Variants in MINPP1 observed in about 807,000 individuals in gnomAD.
MINPP1 encodes the protein multiple inositol-polyphosphate phosphatase 1.
Under a neutral mutation model 46.1 loss-of-function variants are expected in MINPP1, and 28 were observed. The observed-to-expected ratio is 0.61, with a 90% confidence interval of 0.45 to 0.83. MINPP1 has a LOEUF of 0.83. Among genes scored for constraint, MINPP1 ranks in the 40% least tolerant of loss-of-function variants. The pLI is 0.00. For synonymous variants in MINPP1, 268 were observed against 249.1 expected (o/e 1.08, Z -0.72); for missense variants, 603 against 610.0 (o/e 0.99, Z 0.12).
At chr10:87,517,628 T>C (rs1161503033) in intron 3 of MINPP1, among the ~76,000 whole-genome samples, 1 of 152,256 alleles carries the variant, frequency 6.6e-6, no homozygotes, top group Non-Finnish European at 1.5e-5. Flanking sequence ...TATTTTACAG[T>C]TTATTCATTA....
intron 4 of MINPP1, among the ~76,000 whole-genome samples, chr10:87,535,240 CA>C (rs906618887): frequency 3.9e-5 from 6 of 152,188 alleles, no homozygotes; most frequent in African/African-American, 1.4e-4. Context: ...GTTTCCTAAC[CA>C]AAATTTTGTC....
At position 87,521,282 on chromosome 10, in the gene MINPP1, T is replaced by A. The variant is rs543747789; in HGVS notation, c.1067+113T>A. ...AGTTTTTGCTTGTGTTTTAAAAAAA[T>A]TTTAATATAATGTGATACAAAAGAA... On this transcript the variant is annotated intron_variant, in intron 4 of 4. Transcript: ENST00000371996. 40 of 809,476 alleles carry A rather than the reference T, an allele frequency of 4.9e-5. No individual in the cohort carries two copies. In the Admixed American group the frequency reaches 6.0e-4, roughly 12 times the overall value. 50.1% of individuals were successfully genotyped at this position (809,476 alleles called of 1,614,324 possible). A position where few individuals can be genotyped will look rare whatever the true frequency, so the allele number is the denominator to read the frequency against.
At position 87,504,992 on chromosome 10, in the gene MINPP1, C is replaced by G; in HGVS notation, c.77C>G (p.Ser26Trp). 1 of 1,612,652 alleles carries G rather than the reference C, an allele frequency of 6.2e-7. No homozygotes were observed. The highest frequency in any genetic ancestry group is 8.5e-7 in the Non-Finnish European group (1 of 1,179,770). ...GCCCTGGCTGCGGCGCTGCTCTCGT[C>G]GCTTGCGCGCTGCTCTCTTCTAGAG... Reference protein sequence around the residue: ...AAALAAALLSSLARCSLLEPR... With the variant: ...AAALAAALLSWLARCSLLEPR... Residue 26 changes from serine (S) to tryptophan (W), a missense_variant, in exon 1 of 5, where the codon TCG becomes TGG. Ser to Trp is a radical substitution (Grantham distance 177). Around this residue, in one of 3 missense-constraint regions of MINPP1, gnomAD observed 239 missense variants for 189.4 expected, o/e 1.26. Coordinates refer to ENST00000371996, the MANE Select transcript of MINPP1 (RefSeq NM_004897.5).
At chr10:87,520,946 T>G in intron 3 of MINPP1, 90 bp from the exon 4 acceptor site, 1 of 657,248 alleles carries the variant, frequency 1.5e-6, no homozygotes, top group South Asian at 2.0e-5. Flanking sequence ...AATTAAACAT[T>G]GTAACCATTT....
intron 4 of MINPP1, among the ~76,000 whole-genome samples, chr10:87,533,768 G>C (rs1334607469): frequency 6.6e-6 from 1 of 151,948 alleles, no homozygotes; most frequent in African/African-American, 2.4e-5. Flanking sequence ...TAGTCTATAA[G>C]GTATGGCTTT....
chr10:87,522,725 C>T (rs1589375552), intron 4 of MINPP1, among the ~76,000 whole-genome samples: 1 of 152,090 alleles, frequency 6.6e-6, no homozygotes, highest in Non-Finnish European at 1.5e-5. Context: ...GTGGTGGTTG[C>T]TGAAGGCTGG....
chr10:87,526,180 A>G (rs1205084003), intron 4 of MINPP1, among the ~76,000 whole-genome samples: 1 of 152,038 alleles, frequency 6.6e-6, no homozygotes, highest in East Asian at 1.9e-4. Flanking sequence ...CAACAGTGTA[A>G]AAGTGTTCTC....
chr10:87,505,624 G>A lies in MINPP1; in HGVS notation c.637+72G>A, dbSNP rs1276665702. The A allele has an allele frequency of 3.5e-6, 5 of 1,429,202 alleles. No homozygotes were observed. Among genetic ancestry groups the A allele is most frequent in the Admixed American group, 4.1e-5 (2 of 48,528 alleles). 88.5% of individuals were successfully genotyped at this position (1,429,202 alleles called of 1,614,324 possible). A position where few individuals can be genotyped will look rare whatever the true frequency, so the allele number is the denominator to read the frequency against. On this transcript the variant is annotated intron_variant, in intron 1 of 4. Transcript: ENST00000371996. The surrounding 1 kb of genome is among the most constrained non-coding windows in gnomAD (Gnocchi z 4.4). ...CCTGGATGCTCTCCCGCCTCCCCCA[G>A]ACCCTGGGCTTTTCCGATGCCCCCC...
chr10:87,523,987 C>T (rs187614304), intron 4 of MINPP1, among the ~76,000 whole-genome samples: 38 of 152,298 alleles, frequency 2.5e-4, no homozygotes, highest in Middle Eastern at 3.4e-3. Context: ...ATAATTCTTA[C>T]GGGCCCTAGA....
At chr10:87,551,311 A>T (rs1054689109) in intron 4 of MINPP1, among the ~76,000 whole-genome samples, 13 of 152,110 alleles carry the variant, frequency 8.5e-5, no homozygotes, top group Admixed American at 5.2e-4. Context: ...GTCATGTTTG[A>T]ATAGGTTTAC....
intron 4 of MINPP1, among the ~76,000 whole-genome samples, chr10:87,536,443 A>C (rs979358633): frequency 9.2e-5 from 14 of 152,090 alleles, no homozygotes; most frequent in African/African-American, 3.4e-4. Context: ...TAAACTGTAC[A>C]TATTTAAAGT....
intron 4 of MINPP1, 30 bp downstream of exon 4, chr10:87,521,199 A>G: frequency 4.4e-6 from 7 of 1,590,268 alleles, no homozygotes; most frequent in Admixed American, 1.7e-5. Context: ...TGTGAAGTAC[A>G]TTTTGAGTTA....
chr10:87,505,458 C>G lies in MINPP1; in HGVS notation c.543C>G (p.Thr181=). 3 of 1,613,168 alleles carry G rather than the reference C, an allele frequency of 1.9e-6. No individual in the cohort carries two copies. The highest frequency in any genetic ancestry group is 1.7e-4 in the Middle Eastern group (1 of 6,050). The part of the protein sequence containing the change: ...RENYGRLRLI[T]SSKHRCMDSS... Reference sequence around the variant, plus strand: ...ACTACGGCCGCCTGCGGCTCATCACCAGTTCCAAGCACCGCTGCATGGATA... The same window carrying G: ...ACTACGGCCGCCTGCGGCTCATCACGAGTTCCAAGCACCGCTGCATGGATA... Residue 181 remains threonine, a synonymous_variant, in exon 1 of 5, where the codon ACC becomes ACG. Transcript: ENST00000371996. This position sits in a 1 kb window ranked among gnomAD's most constrained non-coding sequence, Gnocchi z 4.4.
intron 2 of MINPP1, among the ~76,000 whole-genome samples, chr10:87,508,895 C>T (rs973406036): frequency 1.3e-5 from 2 of 152,106 alleles, no homozygotes; most frequent in Non-Finnish European, 1.5e-5. Context: ...AATTCTTTAG[C>T]TTTTGAAGCA....
At chr10:87,507,350 A>C (rs1012705519) in intron 1 of MINPP1, among the ~76,000 whole-genome samples, 1 of 152,218 alleles carries the variant, frequency 6.6e-6, no homozygotes, top group Non-Finnish European at 1.5e-5. Context: ...ACCCAGATGC[A>C]CTTGGGAAAT....
chr10:87,505,515 G>A lies in MINPP1; in HGVS notation c.600G>A (p.Gln200=). The A allele has an allele frequency of 6.2e-7, 1 of 1,611,518 alleles. No homozygotes were observed. The highest frequency in any genetic ancestry group is 8.5e-7 in the Non-Finnish European group (1 of 1,179,578). The part of the protein sequence containing the change: ...SSAAFLQGLW[Q]HYHPGLPPPD... ...CCGCCTTCCTGCAGGGGCTGTGGCAGCACTACCACCCTGGCTTGCCGCCGC... is the reference window on the plus strand; with the variant it reads ...CCGCCTTCCTGCAGGGGCTGTGGCAACACTACCACCCTGGCTTGCCGCCGC... Residue 200 remains glutamine, a synonymous_variant, in exon 1 of 5, where the codon CAG becomes CAA. Transcript: ENST00000371996. The surrounding 1 kb of genome is among the most constrained non-coding windows in gnomAD (Gnocchi z 4.4).
In MINPP1 at chr10:87,505,255, T is replaced by C. The variant is rs765398008; in HGVS notation, c.340T>C (p.Ser114Pro). The change falls in exon 1 of 5, where the codon TCC (serine) becomes CCC (proline). Residue 114 changes from serine (S) to proline (P), a missense_variant. By Grantham distance (74) the Ser-to-Pro change is moderately conservative. Around this residue, in one of 3 missense-constraint regions of MINPP1, gnomAD observed 239 missense variants for 189.4 expected, o/e 1.26. Coordinates refer to ENST00000371996, the MANE Select transcript of MINPP1 (RefSeq NM_004897.5). The surrounding 1 kb of genome is among the most constrained non-coding windows in gnomAD (Gnocchi z 4.4). ...QLHGLLQARG[S>P]RDGGASSTGS... ...GCACGGGTTGCTGCAGGCCCGCGGG[T>C]CCAGGGATGGCGGGGCTAGTAGTAC... is the stretch of plus-strand genomic sequence containing the variant. The C allele has an allele frequency of 4.3e-6, 7 of 1,612,124 alleles. No homozygotes were observed. In the Admixed American group the frequency reaches 1.2e-4, roughly 27 times the overall value.
Position 87,504,946 on chromosome 10 carries a change from A to T in MINPP1, c.31A>T (p.Thr11Ser). The T allele has an allele frequency of 1.9e-6, 3 of 1,611,060 alleles. No homozygotes were observed. Among genetic ancestry groups the T allele is most frequent in the Non-Finnish European group, 2.5e-6 (3 of 1,179,282 alleles). Residue 11 changes from threonine to serine, a missense_variant, in exon 1 of 5, where the codon ACC (threonine) becomes TCC (serine). Thr to Ser is a moderately conservative substitution (Grantham distance 58). Around this residue, in one of 3 missense-constraint regions of MINPP1, gnomAD observed 239 missense variants for 189.4 expected, o/e 1.26. Coordinates refer to ENST00000371996, the MANE Select transcript of MINPP1 (RefSeq NM_004897.5). ...ACGCGCGCCCGGCTGCCTCCTCCGG[A>T]CCTCCGTAGCGCCTGCCGCGGCCCT... MLRAPGCLLRTSVAPAAALAA... is the reference protein window; with the variant it reads MLRAPGCLLRSSVAPAAALAA...
chr10:87,514,760 G>A (rs1851389044), intron 3 of MINPP1, among the ~76,000 whole-genome samples: 1 of 152,106 alleles, frequency 6.6e-6, no homozygotes, highest in Non-Finnish European at 1.5e-5. Context: ...CTGTTGCCCA[G>A]GCTGGAGTGC....
Sources: gnomAD v4.1 joint callset for allele counts (sites outside exome capture counted in the v4.1 genomes callset) on GRCh38, gnomAD v4.1.1 for gene constraint, gnomAD v4.1.1 regional missense constraint, Gnocchi (gnomAD v3.1) non-coding constraint, MANE v1.5 for transcripts, NCBI Gene and HGNC (gene_info 2026-07-23, HGNC 2026-07-21) for gene names.